UNC5D: variants seen among roughly 807,000 people sequenced by gnomAD.
The protein encoded by UNC5D is unc-5 netrin receptor D.
Under a neutral mutation model 105.4 loss-of-function variants are expected in UNC5D, and 39 were observed. That is an observed-to-expected ratio of 0.37 (90% CI 0.29 to 0.48). The LOEUF is 0.48. Among genes scored for constraint, UNC5D ranks in the 20% least tolerant of loss-of-function variants. The pLI is 0.98. For synonymous variants in UNC5D, 452 were observed against 450.4 expected (o/e 1.00, Z -0.04); for missense variants, 991 against 1,202.4 (o/e 0.82, Z 2.60).
chr8:35,592,467 T>C (rs1819232399), intron 3 of UNC5D, among the ~76,000 whole-genome samples: 1 of 152,184 alleles, frequency 6.6e-6, no homozygotes, highest in African/African-American at 2.4e-5. Flanking sequence ...ATATAGGTGA[T>C]TAAAGTGTTC....
intron 7 of UNC5D, 142 bp from the exon 8 acceptor site, chr8:35,705,787 T>C: frequency 2.3e-6 from 1 of 432,626 alleles, no homozygotes; most frequent in East Asian, 5.0e-5. Context: ...GAAAAAACTA[T>C]GGACAATGCC....
chr8:35,721,511 C>T, intron 8 of UNC5D: 1 of 702,950 alleles, frequency 1.4e-6, no homozygotes, highest in South Asian at 1.5e-5. Flanking sequence ...AACCCGTCCT[C>T]TTCCACAATA....
Position 35,748,594 on chromosome 8 carries a change from G to A in UNC5D, c.1834G>A (p.Val612Ile), listed in dbSNP as rs1830114811. 6.2e-6 allele frequency: 10 copies of A among 1,613,944 alleles called. No homozygotes were observed. The highest frequency in any genetic ancestry group is 1.1e-5 in the South Asian group (1 of 91,070). Residue 612 changes from valine (V) to isoleucine (I), a missense_variant, in exon 12 of 17, where the codon GTC becomes ATC. Physicochemically the swap from Val to Ile is conservative, Grantham distance 29. Transcript: ENST00000404895. ...CACCTGTGGTCCTCCAGACATGATC[G>A]TCACCACTCCCTTTGCATTGACCAT... ...EVTCGPPDMI[V>I]TTPFALTIPH...
chr8:35,700,666 C>T (rs1368038046), intron 7 of UNC5D, among the ~76,000 whole-genome samples: 1 of 152,094 alleles, frequency 6.6e-6, no homozygotes, highest in African/African-American at 2.4e-5. Context: ...TGAACAAAAG[C>T]TTTGAGTTGA....
At chr8:35,316,290 A>G (rs1003483412) in intron 1 of UNC5D, among the ~76,000 whole-genome samples, 12 of 152,212 alleles carry the variant, frequency 7.9e-5, no homozygotes, top group Admixed American at 3.3e-4. Context: ...CAATCACCTC[A>G]TTACTTGTTA....
At chr8:35,484,746 T>G (rs956151795) in intron 1 of UNC5D, among the ~76,000 whole-genome samples, 1 of 152,184 alleles carries the variant, frequency 6.6e-6, no homozygotes, top group Non-Finnish European at 1.5e-5. Flanking sequence ...CTAAAATGAA[T>G]TGAATGCATA....
chr8:35,719,412 C>T (rs909040188), intron 8 of UNC5D, among the ~76,000 whole-genome samples: 2 of 151,744 alleles, frequency 1.3e-5, no homozygotes, highest in East Asian at 3.9e-4. Flanking sequence ...CCAGGTAGAT[C>T]GAAGAGAGAA....
intron 4 of UNC5D, among the ~76,000 whole-genome samples, chr8:35,681,861 G>T (rs1022956110): frequency 3.9e-5 from 6 of 152,084 alleles, no homozygotes; most frequent in African/African-American, 9.7e-5. Flanking sequence ...GGTACTTGGG[G>T]TAAGTATGGA....
chr8:35,327,690 C>T (rs1810277987), intron 1 of UNC5D, among the ~76,000 whole-genome samples: 1 of 152,146 alleles, frequency 6.6e-6, no homozygotes, highest in Admixed American at 6.5e-5. Context: ...CTGCTCTTTC[C>T]GACCCTGGCA....
At chr8:35,740,657 C>T (rs1289769773) in intron 11 of UNC5D, among the ~76,000 whole-genome samples, 1 of 152,188 alleles carries the variant, frequency 6.6e-6, no homozygotes, top group Non-Finnish European at 1.5e-5. Context: ...CCCATGCCGA[C>T]ATTTTAATTT....
intron 3 of UNC5D, among the ~76,000 whole-genome samples, chr8:35,574,065 T>C (rs750205398): frequency 6.6e-6 from 1 of 152,238 alleles, no homozygotes; most frequent in Non-Finnish European, 1.5e-5. Flanking sequence ...TTACTTCTGC[T>C]GCTGGACGGT....
chr8:35,787,605 G>T (rs940436569), intron 16 of UNC5D, among the ~76,000 whole-genome samples: 1 of 151,148 alleles, frequency 6.6e-6, no homozygotes, highest in African/African-American at 2.5e-5. Context: ...AAACAAAGTT[G>T]TTCGGTTTTT....
rs183053224 is a variant in UNC5D at position 35,726,916 on chromosome 8, A to G, written c.1681+387A>G. 6.4e-4 allele frequency: 135 copies of G among 210,014 alleles called. No individual in the cohort carries two copies. In the South Asian group the frequency reaches 7.4e-3, roughly 11 times the overall value. 13.0% of individuals were successfully genotyped at this position (210,014 alleles called of 1,614,324 possible). Reference sequence around the variant, plus strand: ...GTTTATACCTAAGCATGGTTTATGTACTAGTTTGATAATTTAGATAATTTA... The same window carrying G: ...GTTTATACCTAAGCATGGTTTATGTGCTAGTTTGATAATTTAGATAATTTA... On this transcript the variant is annotated intron_variant, in intron 10 of 16. Coordinates refer to ENST00000404895, the MANE Select transcript of UNC5D (RefSeq NM_080872.4).
chr8:35,409,002 A>G (rs1422819477), intron 1 of UNC5D, among the ~76,000 whole-genome samples: 1 of 152,096 alleles, frequency 6.6e-6, no homozygotes, highest in African/African-American at 2.4e-5. Context: ...TGCATTTTCT[A>G]AAGTATCTTA....
chr8:35,645,156 A>G (rs932083866), intron 4 of UNC5D, among the ~76,000 whole-genome samples: 7 of 152,118 alleles, frequency 4.6e-5, no homozygotes, highest in Non-Finnish European at 1.0e-4. Flanking sequence ...ATCTTTCTGC[A>G]CTGGTCTGAT....
chr8:35,602,437 T>G (rs1277652362), intron 4 of UNC5D, among the ~76,000 whole-genome samples: 1 of 152,188 alleles, frequency 6.6e-6, no homozygotes, highest in Non-Finnish European at 1.5e-5. Flanking sequence ...CCTGGACTTT[T>G]TTTGGTTGGT....
chr8:35,280,571 G>C (rs968467027), intron 1 of UNC5D, among the ~76,000 whole-genome samples: 1 of 152,152 alleles, frequency 6.6e-6, no homozygotes, highest in Non-Finnish European at 1.5e-5. Flanking sequence ...AATAATGAAA[G>C]GGAACACATC....
At chr8:35,759,605 T>C (rs1299837391) in intron 14 of UNC5D, 136 bp downstream of exon 14, 2 of 1,043,018 alleles carry the variant, frequency 1.9e-6, no homozygotes, top group South Asian at 1.6e-5. Flanking sequence ...CACAGAAATG[T>C]AACAGTTTGG....
Position 35,269,607 on chromosome 8 carries a change from G to C in UNC5D, c.103+33720G>C, listed in dbSNP as rs553919623. 1.2e-3 allele frequency among the ~76,000 whole-genome samples: 180 copies of C among 152,132 alleles called. 2 individuals carry two copies. The highest frequency in any genetic ancestry group is 4.1e-3 in the African/African-American group (171 of 41,502). On this transcript the variant is annotated intron_variant, in intron 1 of 16. Transcript: ENST00000404895. Reference sequence around the variant, plus strand: ...TTGCAAAGGCCATTAACCATATTGGGTTCAACTTATTTAAAAAAAATTTCT... The same window carrying C: ...TTGCAAAGGCCATTAACCATATTGGCTTCAACTTATTTAAAAAAAATTTCT...
Sources: gnomAD v4.1 joint callset for allele counts (sites outside exome capture counted in the v4.1 genomes callset) on GRCh38, gnomAD v4.1.1 for gene constraint, MANE v1.5 for transcripts, NCBI Gene and HGNC (gene_info 2026-07-23, HGNC 2026-07-21) for gene names.